CCDC85C: variants seen among roughly 807,000 people sequenced by gnomAD.
CCDC85C encodes coiled-coil domain containing 85C.
In CCDC85C, 18 loss-of-function variants were observed where a neutral mutation model predicts 38.3. That is an observed-to-expected ratio of 0.47 (90% confidence interval 0.33 to 0.70). CCDC85C has a LOEUF of 0.70. CCDC85C is among the 30% of genes least tolerant of loss of function. The pLI is 0.03. For synonymous variants in CCDC85C, 264 were observed against 293.8 expected, an observed-to-expected ratio of 0.90 and a Z score of 1.04; for missense variants, 566 against 621.2, an observed-to-expected ratio of 0.91 and a Z score of 0.94.
At chr14:99,543,944 G>A (rs1365361236) in intron 1 of CCDC85C, among the ~76,000 whole-genome samples, 1 of 152,244 alleles carries the variant, frequency 6.6e-6, no homozygotes, top group Non-Finnish European at 1.5e-5. Flanking sequence ...GCAGGCCGAG[G>A]CAGCTGGCTG....
chr14:99,502,616 A>G lies in CCDC85C; in HGVS notation c.*12630T>C, dbSNP rs971280178. On this transcript the variant is annotated 3_prime_UTR_variant, in exon 6 of 6. Transcript: ENST00000380243. ...ATGGGGTGAGTTGTAAATGTGATTC[A>G]TGCTTAGGTCCTCGTAGGGGTATCA... The G allele has an allele frequency of 2.4e-6, 3 of 1,257,074 alleles. No individual in the cohort carries two copies. In the African/African-American group the frequency reaches 4.5e-5, roughly 19 times the overall value. The allele number at this position is 1,257,074 out of a possible 1,614,324, so 77.9% of individuals were successfully genotyped here.
intron 1 of CCDC85C, among the ~76,000 whole-genome samples, chr14:99,555,980 GC>G (rs1244797968): frequency 2.0e-5 from 3 of 152,228 alleles, no homozygotes; most frequent in Non-Finnish European, 4.4e-5. Flanking sequence ...ACATCAGACA[GC>G]CCGATCGGCT....
chr14:99,540,040 C>T (rs370032029), intron 1 of CCDC85C, among the ~76,000 whole-genome samples: 1 of 152,016 alleles, frequency 6.6e-6, no homozygotes, highest in East Asian at 1.9e-4. Context: ...CTCAGCTACT[C>T]AGGAGGCTGA....
chr14:99,566,651 G>C (rs1008279559), intron 1 of CCDC85C, among the ~76,000 whole-genome samples: 1 of 152,168 alleles, frequency 6.6e-6, no homozygotes, highest in Non-Finnish European at 1.5e-5. Flanking sequence ...ATCAGTGTCT[G>C]GGCAGGCGCC....
chr14:99,518,681 G>A (rs1897262765), intron 3 of CCDC85C, among the ~76,000 whole-genome samples: 1 of 152,190 alleles, frequency 6.6e-6, no homozygotes, highest in African/African-American at 2.4e-5. Flanking sequence ...CACAGGCCAT[G>A]TGCCAGCCGG....
intron 2 of CCDC85C, among the ~76,000 whole-genome samples, chr14:99,526,576 C>T (rs959866070): frequency 6.6e-6 from 1 of 152,082 alleles, no homozygotes; most frequent in Admixed American, 6.5e-5. Flanking sequence ...TCCCCAAGAC[C>T]TGGCGACCTC....
At position 99,502,319 on chromosome 14, in the gene CCDC85C, A is replaced by G. The variant is rs1896852159; in HGVS notation, c.*12927T>C. On this transcript the variant is annotated 3_prime_UTR_variant, in exon 6 of 6. Transcript: ENST00000380243. ...AATACAAGAATGGACCTCCAAACCC[A>G]TGTATAGGAGATGGTGGGAGCAGTT... is the stretch of plus-strand genomic sequence containing the variant. 1 of 1,613,594 alleles carries G rather than the reference A, an allele frequency of 6.2e-7. No homozygotes were observed. Among genetic ancestry groups the G allele is most frequent in the Non-Finnish European group, 8.5e-7 (1 of 1,179,786 alleles).
rs1269763705 is a variant in CCDC85C, at chr14:99,515,159, G to A, written c.*87C>T. 4.3e-6 allele frequency: 4 copies of A among 925,728 alleles called. No individual in the cohort carries two copies. The highest frequency in any genetic ancestry group is 5.3e-5 in the East Asian group (2 of 38,014). The allele number at this position is 925,728 out of a possible 1,614,324, so 57.3% of individuals were successfully genotyped here. A position where few individuals can be genotyped will look rare whatever the true frequency, so the allele number is the denominator to read the frequency against. ...ACCACAGAGGAAGAAGACAGGGGCT[G>A]GGCTGGAGGTCCTGCCCGTGTCTGG... On this transcript the variant is annotated 3_prime_UTR_variant, in exon 6 of 6. Coordinates refer to ENST00000380243, the MANE Select transcript of CCDC85C (RefSeq NM_001144995.2).
chr14:99,534,652 T>G (rs1897558137), intron 2 of CCDC85C: 1 of 702,388 alleles, frequency 1.4e-6, no homozygotes, highest in Non-Finnish European at 2.6e-6. Context: ...CTGGTGTCAC[T>G]TCTGCCTACA....
At chr14:99,532,782 C>CTTT (rs34038396) in intron 2 of CCDC85C, among the ~76,000 whole-genome samples, 11 of 124,374 alleles carry the variant, frequency 8.8e-5, no homozygotes, top group South Asian at 5.4e-4. Context: ...TCTTCTTCTT[C>CTTT]TTTTTTTTTT....
chr14:99,507,771 T>G lies in CCDC85C; in HGVS notation c.*7475A>C, dbSNP rs1897012279. On this transcript the variant is annotated 3_prime_UTR_variant, in exon 6 of 6. Transcript: ENST00000380243. Reference sequence around the variant, plus strand: ...GGCCGCCCCTACACCTGCTTCCTATTGGCAGTGTGTCGTCTTAGTGCATTC... The same window carrying G: ...GGCCGCCCCTACACCTGCTTCCTATGGGCAGTGTGTCGTCTTAGTGCATTC... 1.3e-5 allele frequency: 2 copies of G among 153,276 alleles called. No homozygotes were observed. The highest frequency in any genetic ancestry group is 1.3e-4 in the Admixed American group (2 of 15,442). The allele number at this position is 153,276 out of a possible 1,614,324, so 9.5% of individuals were successfully genotyped here. A position where few individuals can be genotyped will look rare whatever the true frequency, so the allele number is the denominator to read the frequency against.
In CCDC85C at chr14:99,509,787, C is replaced by T. The variant is rs1343980349; in HGVS notation, c.*5459G>A. On this transcript the variant is annotated 3_prime_UTR_variant, in exon 6 of 6. Transcript: ENST00000380243. ...AGACAGGAGTTCAGTGTGGCCCTGA[C>T]CCCTGGGGTCAGTTTCTGAAGGCAG... The T allele has an allele frequency of 3.3e-6, 1 of 304,592 alleles. No homozygotes were observed. The highest frequency in any genetic ancestry group is 6.1e-6 in the Non-Finnish European group (1 of 163,920). 18.9% of individuals were successfully genotyped at this position (304,592 alleles called of 1,614,324 possible). A position where few individuals can be genotyped will look rare whatever the true frequency, so the allele number is the denominator to read the frequency against.
chr14:99,555,919 T>C (rs575891947), intron 1 of CCDC85C, among the ~76,000 whole-genome samples: 3 of 152,360 alleles, frequency 2.0e-5, no homozygotes, highest in South Asian at 2.1e-4. Context: ...CACACGTCCC[T>C]TGTGGGCTGT....
chr14:99,527,117 G>C (rs908589247), intron 2 of CCDC85C, among the ~76,000 whole-genome samples: 1 of 152,284 alleles, frequency 6.6e-6, no homozygotes, highest in African/African-American at 2.4e-5. Flanking sequence ...AACTGCACCA[G>C]AGTTGTTCCC....
At chr14:99,563,715 C>T (rs552243638) in intron 1 of CCDC85C, among the ~76,000 whole-genome samples, 7 of 152,324 alleles carry the variant, frequency 4.6e-5, no homozygotes, top group Admixed American at 2.0e-4. Context: ...CACCCACTCC[C>T]GTGGGCCGTG....
At chr14:99,529,107 T>A (rs1897445565) in intron 2 of CCDC85C, among the ~76,000 whole-genome samples, 1 of 152,190 alleles carries the variant, frequency 6.6e-6, no homozygotes, top group African/African-American at 2.4e-5. Context: ...GCGGTAGAGA[T>A]GAAGGTGCGG....
In CCDC85C at chr14:99,513,598, C is replaced by G. The variant is rs1183917885; in HGVS notation, c.*1648G>C. On this transcript the variant is annotated 3_prime_UTR_variant, in exon 6 of 6. Transcript: ENST00000380243. ...GAACTGCTCAGAATAGAGCCGCCAG[C>G]TAGGGAGAGGGACAGGGCGGCCATC... is the stretch of plus-strand genomic sequence containing the variant. The G allele has an allele frequency of 6.6e-6, 1 of 152,296 alleles. No homozygotes were observed. The highest frequency in any genetic ancestry group is 1.5e-5 in the Non-Finnish European group (1 of 68,088). 9.4% of individuals were successfully genotyped at this position (152,296 alleles called of 1,614,324 possible). A position where few individuals can be genotyped will look rare whatever the true frequency, so the allele number is the denominator to read the frequency against.
Position 99,603,619 on chromosome 14 carries a change from C to A in CCDC85C, c.341G>T (p.Gly114Val). 1 of 1,461,014 alleles carries A rather than the reference C, an allele frequency of 6.8e-7. No homozygotes were observed. Among genetic ancestry groups the A allele is most frequent in the Non-Finnish European group, 9.0e-7 (1 of 1,109,016 alleles). The allele number at this position is 1,461,014 out of a possible 1,614,324, so 90.5% of individuals were successfully genotyped here. A position where few individuals can be genotyped will look rare whatever the true frequency, so the allele number is the denominator to read the frequency against. Reference sequence around the variant, plus strand: ...GCGGGCCACCTCGTGCCACACGGCGCCGGCCGCGTGGCGCCCGAAGCGCTG... The same window carrying A: ...GCGGGCCACCTCGTGCCACACGGCGACGGCCGCGTGGCGCCCGAAGCGCTG... ...EWQRFGRHAAGAVWHEVARSQ... is the reference protein window; with the variant it reads ...EWQRFGRHAAVAVWHEVARSQ... The change falls in exon 1 of 6, where the codon GGC becomes GTC. Residue 114 changes from glycine (G) to valine (V), a missense_variant. By Grantham distance (109) the Gly-to-Val change is moderately radical. Transcript: ENST00000380243. This position sits in a 1 kb window ranked among gnomAD's most constrained non-coding sequence, Gnocchi z 7.5.
intron 1 of CCDC85C, among the ~76,000 whole-genome samples, chr14:99,562,859 GCACA>G (rs1334672055): frequency 6.7e-6 from 1 of 149,976 alleles, no homozygotes; most frequent in Non-Finnish European, 1.5e-5. Context: ...ACCCTCATAT[GCACA>G]CACACACCCA....
Sources: allele counts gnomAD v4.1 joint callset (sites outside exome capture counted in the v4.1 genomes callset), GRCh38; gene constraint gnomAD v4.1.1; non-coding constraint Gnocchi (gnomAD v3.1); transcripts MANE v1.5; gene names NCBI Gene and HGNC (gene_info 2026-07-23, HGNC 2026-07-21).